Variants in EDARADD observed in about 807,000 individuals in gnomAD.
EDARADD encodes ectodysplasin-A receptor-associated adapter protein.
Under a neutral mutation model 25.6 loss-of-function variants are expected in EDARADD, and 20 were observed. The ratio of observed to expected loss-of-function variants is 0.78; its 90% CI spans 0.55 to 1.14. EDARADD has a LOEUF of 1.14. EDARADD is among the 50% of genes most tolerant of loss of function. The pLI is 0.00. For synonymous variants in EDARADD, 86 were observed against 94.4 expected, an observed-to-expected ratio of 0.91 and a Z score of 0.52; for missense variants, 225 against 270.1, an observed-to-expected ratio of 0.83 and a Z score of 1.17.
At chr1:236,390,384 T>C (rs566782247), upstream of EDARADD, among the ~76,000 whole-genome samples, 668 of 151,962 alleles carry the variant, frequency 4.4e-3, 3 homozygotes, top group Non-Finnish European at 7.6e-3. Context: ...TGAAACCCCA[T>C]CTCTACTAAA....
intron 3 of EDARADD, among the ~76,000 whole-genome samples, chr1:236,414,722 T>G (rs1571920827): frequency 6.6e-6 from 1 of 151,756 alleles, no homozygotes; most frequent in Non-Finnish European, 1.5e-5. Context: ...TAGCCTGAGG[T>G]ATGGTGTGGG....
At chr1:236,392,091 G>A (rs1485236519), upstream of EDARADD, among the ~76,000 whole-genome samples, 1 of 152,094 alleles carries the variant, frequency 6.6e-6, no homozygotes, top group Admixed American at 6.6e-5. Flanking sequence ...ATTTCCCCAG[G>A]GCTTGGAATT....
At chr1:236,482,030 G>A (rs1183145269) in intron 5 of EDARADD, among the ~76,000 whole-genome samples, 5 of 149,752 alleles carry the variant, frequency 3.3e-5, no homozygotes, top group African/African-American at 1.2e-4. Context: ...GGAGAATGGC[G>A]TGAACCCCTG....
intron 4 of EDARADD, among the ~76,000 whole-genome samples, chr1:236,446,014 G>GT (rs1212161607): frequency 2.0e-5 from 3 of 152,148 alleles, no homozygotes; most frequent in Non-Finnish European, 4.4e-5. Context: ...GTGAGAAGTC[G>GT]TGATTCATTA....
intron 5 of EDARADD, among the ~76,000 whole-genome samples, chr1:236,479,196 G>GA (rs962179141): frequency 1.3e-5 from 2 of 151,398 alleles, no homozygotes; most frequent in African/African-American, 2.4e-5. Context: ...AAGTACCCTG[G>GA]AAAAAAAATT....
intron 1 of EDARADD, among the ~76,000 whole-genome samples, chr1:236,399,014 G>C (rs1021221223): frequency 6.6e-6 from 1 of 152,078 alleles, no homozygotes; most frequent in Middle Eastern, 3.2e-3. Flanking sequence ...TAAAGAGTTG[G>C]GGGGAGAAAA....
chr1:236,436,129 C>T (rs1468317346), intron 4 of EDARADD, among the ~76,000 whole-genome samples: 1 of 150,858 alleles, frequency 6.6e-6, no homozygotes, highest in African/African-American at 2.4e-5. Flanking sequence ...TAAAGTGAGA[C>T]CCCATCTCTA....
rs2103000762 is a variant in EDARADD, at chr1:236,395,789, C to T, written c.61+1284C>T. On this transcript the variant is annotated intron_variant, in intron 1 of 5. Coordinates refer to ENST00000334232, the MANE Select transcript of EDARADD (RefSeq NM_145861.4). This position sits in a 1 kb window ranked among gnomAD's most constrained non-coding sequence, Gnocchi z 6.9. ...CGACCCCCGAGGGAGGCCCGGGAACCACCCCCGACCCAGGCGCCAGACCCG... is the reference window on the plus strand; with the variant it reads ...CGACCCCCGAGGGAGGCCCGGGAACTACCCCCGACCCAGGCGCCAGACCCG... 1 of 886,838 alleles carries T rather than the reference C, an allele frequency of 1.1e-6. No individual in the cohort carries two copies. The allele number at this position is 886,838 out of a possible 1,614,324, so 54.9% of individuals were successfully genotyped here.
chr1:236,457,262 T>C (rs1331409120), intron 4 of EDARADD, among the ~76,000 whole-genome samples: 1 of 152,208 alleles, frequency 6.6e-6, no homozygotes, highest in Non-Finnish European at 1.5e-5. Context: ...ACGCCTGTAA[T>C]CCCAGCACTT....
chr1:236,461,470 G>C (rs1659036937), intron 4 of EDARADD, among the ~76,000 whole-genome samples: 1 of 152,122 alleles, frequency 6.6e-6, no homozygotes, highest in South Asian at 2.1e-4. Context: ...TAGGTGTGTG[G>C]GTTTGCTTCT....
chr1:236,420,995 A>T (rs1657770123), intron 3 of EDARADD, among the ~76,000 whole-genome samples: 1 of 145,140 alleles, frequency 6.9e-6, no homozygotes, highest in African/African-American at 2.5e-5. Flanking sequence ...CGGCCTCCCA[A>T]AGTGCTGGGA....
chr1:236,469,002 T>C (rs1244697035), intron 5 of EDARADD, among the ~76,000 whole-genome samples: 1 of 152,240 alleles, frequency 6.6e-6, no homozygotes, highest in Non-Finnish European at 1.5e-5. Flanking sequence ...GGAGCCCTCC[T>C]GACATTAGGT....
intron 4 of EDARADD, among the ~76,000 whole-genome samples, chr1:236,464,502 G>A (rs1571951973): frequency 7.3e-6 from 1 of 136,442 alleles, no homozygotes; most frequent in East Asian, 2.2e-4. Flanking sequence ...GTGTGATCTC[G>A]GCTCAATGCA....
chr1:236,366,600 A>G (rs915221000), intron 3 of EDARADD, among the ~76,000 whole-genome samples: 3 of 152,162 alleles, frequency 2.0e-5, no homozygotes, highest in Admixed American at 6.5e-5. Flanking sequence ...ATGAACACTA[A>G]CTGCTTCGGT....
At chr1:236,374,024 A>G (rs1206405234) in intron 3 of EDARADD, among the ~76,000 whole-genome samples, 2 of 152,130 alleles carry the variant, frequency 1.3e-5, no homozygotes, top group Non-Finnish European at 1.5e-5. Context: ...GTGGTCTAAG[A>G]GCAGATACTG....
Position 236,484,342 on chromosome 1 carries a change from T to C in EDARADD, c.*1693T>C. 6.9e-7 allele frequency: 1 copy of C among 1,440,768 alleles called. No homozygotes were observed. The highest frequency in any genetic ancestry group is 9.8e-7 in the Non-Finnish European group (1 of 1,022,812). The allele number at this position is 1,440,768 out of a possible 1,614,324, so 89.2% of individuals were successfully genotyped here. On this transcript the variant is annotated 3_prime_UTR_variant, in exon 6 of 6. Transcript: ENST00000334232. This position sits in a 1 kb window ranked among gnomAD's most constrained non-coding sequence, Gnocchi z 4.1. Reference sequence around the variant, plus strand: ...GTGGTGGGGCTGTGACCTGGGCAGCTCAAGACTGGTGCCCCTTGCTGATCT... The same window carrying C: ...GTGGTGGGGCTGTGACCTGGGCAGCCCAAGACTGGTGCCCCTTGCTGATCT...
At chr1:236,471,765 C>G (rs1659366796) in intron 5 of EDARADD, among the ~76,000 whole-genome samples, 1 of 152,176 alleles carries the variant, frequency 6.6e-6, no homozygotes, top group Non-Finnish European at 1.5e-5. Flanking sequence ...GGGAAACACT[C>G]CCGTGGCAAT....
At chr1:236,366,764 A>G (rs1048556093) in intron 3 of EDARADD, among the ~76,000 whole-genome samples, 3 of 101,234 alleles carry the variant, frequency 3.0e-5, no homozygotes, top group Non-Finnish European at 6.8e-5. Context: ...CTCAGGGATC[A>G]TTTTTCACCT....
chr1:236,438,361 C>T (rs190933541), intron 4 of EDARADD, among the ~76,000 whole-genome samples: 9 of 152,208 alleles, frequency 5.9e-5, no homozygotes, highest in Admixed American at 1.3e-4. Context: ...ATAATAACAG[C>T]GCATTTTGAG....
Sources: gnomAD v4.1 joint callset for allele counts (sites outside exome capture counted in the v4.1 genomes callset) on GRCh38, gnomAD v4.1.1 for gene constraint, Gnocchi (gnomAD v3.1) non-coding constraint, MANE v1.5 for transcripts, NCBI Gene and HGNC (gene_info 2026-07-23, HGNC 2026-07-21) for gene names.